ILK: variants seen among roughly 807,000 people sequenced by gnomAD.
The protein encoded by ILK is integrin linked kinase.
A neutral mutation model predicts 57.8 loss-of-function variants in ILK; 37 were observed. That is an observed-to-expected ratio of 0.64 (90% CI 0.49 to 0.84). The LOEUF (loss-of-function observed/expected upper bound fraction) is 0.84, where lower values mean the gene tolerates loss of function less well. Among genes scored for constraint, ILK ranks in the 40% least tolerant of loss-of-function variants. ILK has a pLI of 0.00. For synonymous variants in ILK, 231 were observed against 202.2 expected (o/e 1.14, Z -1.21); for missense variants, 528 against 595.7 (o/e 0.89, Z 1.18).
chr11:6,609,289 T>C lies in ILK; in HGVS notation c.619-10T>C. On this transcript the variant is annotated splice_polypyrimidine_tract_variant and intron_variant, in intron 7 of 12. Transcript: ENST00000299421. Reference sequence around the variant, plus strand: ...CATTTCAAGCCTCCTAACCCCTACCTGTCCTGCAGCTATGGAAGGGCCGCT... The same window carrying C: ...CATTTCAAGCCTCCTAACCCCTACCCGTCCTGCAGCTATGGAAGGGCCGCT... 1 of 1,613,600 alleles carries C rather than the reference T, an allele frequency of 6.2e-7. No homozygotes were observed. Among genetic ancestry groups the C allele is most frequent in the Non-Finnish European group, 8.5e-7 (1 of 1,179,552 alleles).
Position 6,609,593 on chromosome 11 carries a change from C to T in ILK, c.810C>T (p.His270=). 4 of 1,614,196 alleles carry T rather than the reference C, an allele frequency of 2.5e-6. No homozygotes were observed. The highest frequency in any genetic ancestry group is 1.7e-6 in the Non-Finnish European group (2 of 1,180,012). ...PPAPHPTLIT[H]WMPYGSLYNV... ...CTCCTCATCCTACTCTCATCACACACTGGATGCCGTATGGATCCCTCTACA... is the reference window on the plus strand; with the variant it reads ...CTCCTCATCCTACTCTCATCACACATTGGATGCCGTATGGATCCCTCTACA... Residue 270 remains histidine, a synonymous_variant, in exon 9 of 13, where the codon CAC becomes CAT. Coordinates refer to ENST00000299421, the MANE Select transcript of ILK (RefSeq NM_004517.4).
At position 6,610,233 on chromosome 11, in the gene ILK, G is replaced by A; in HGVS notation, c.1164G>A (p.Arg388=). The change falls in exon 12 of 13, where the codon CGG becomes CGA. Residue 388 remains arginine, a synonymous_variant. Transcript: ENST00000299421. ...TGCTTCTGTGGGAACTGGTGACACG[G>A]GAGGTACCCTTTGCTGACCTCTCCA... ...FAVLLWELVT[R]EVPFADLSNM... is the part of the protein sequence containing the mutation. 1 of 1,614,230 alleles carries A rather than the reference G, an allele frequency of 6.2e-7. No homozygotes were observed. Among genetic ancestry groups the A allele is most frequent in the South Asian group, 1.1e-5 (1 of 91,088 alleles).
rs766210285 is a variant in ILK at position 6,608,925 on chromosome 11, T to C, written c.490T>C (p.Tyr164His). 4 of 1,614,188 alleles carry C rather than the reference T, an allele frequency of 2.5e-6. No homozygotes were observed. Among genetic ancestry groups the C allele is most frequent in the South Asian group, 1.1e-5 (1 of 91,086 alleles). Residue 164 changes from tyrosine (Y) to histidine (H), a missense_variant, in exon 6 of 13, where the codon TAC becomes CAC. Transcript: ENST00000299421. This position sits in a 1 kb window ranked among gnomAD's most constrained non-coding sequence, Gnocchi z 4.9. ...KMGQNLNRIPYKDTFWKGTTR... is the reference protein window; with the variant it reads ...KMGQNLNRIPHKDTFWKGTTR... Reference sequence around the variant, plus strand: ...GGGCCAGAATCTCAACCGTATTCCATACAAGGACACATTCTGGAAGGGGAC... The same window carrying C: ...GGGCCAGAATCTCAACCGTATTCCACACAAGGACACATTCTGGAAGGGGAC...
At chr11:6,606,561 A>T (rs1475031235) in intron 2 of ILK, 1 of 142,370 alleles carries the variant, frequency 7.0e-6, no homozygotes. Context: ...GCATCTAGGA[A>T]GACTCTAGCT....
chr11:6,610,831 G>A lies in ILK; in HGVS notation c.*220G>A. 1.3e-6 allele frequency: 2 copies of A among 1,485,900 alleles called. No homozygotes were observed. The highest frequency in any genetic ancestry group is 1.7e-5 in the Admixed American group (1 of 58,426). The allele number at this position is 1,485,900 out of a possible 1,614,324, so 92.0% of individuals were successfully genotyped here. A position where few individuals can be genotyped will look rare whatever the true frequency, so the allele number is the denominator to read the frequency against. ...CACATGGTGTCTCCCAACATGGGAG[G>A]GATCAGCCCCGCCTGTCACAATAAA... On this transcript the variant is annotated 3_prime_UTR_variant, in exon 13 of 13. Coordinates refer to ENST00000299421, the MANE Select transcript of ILK (RefSeq NM_004517.4).
intron 2 of ILK, chr11:6,604,779 T>A: frequency 2.1e-6 from 1 of 467,084 alleles, no homozygotes; most frequent in Non-Finnish European, 4.3e-6. Flanking sequence ...ATATTTAGGC[T>A]ATAAGAAGGT....
At position 6,608,169 on chromosome 11, in the gene ILK, G is replaced by A; in HGVS notation, c.213G>A (p.Leu71=). 6.2e-7 allele frequency: 1 copy of A among 1,614,178 alleles called. No individual in the cohort carries two copies. The highest frequency in any genetic ancestry group is 8.5e-7 in the Non-Finnish European group (1 of 1,180,030). Residue 71 remains leucine, a synonymous_variant, in exon 3 of 13, where the codon CTG becomes CTA. Transcript: ENST00000299421. This position sits in a 1 kb window ranked among gnomAD's most constrained non-coding sequence, Gnocchi z 4.9. ...TGAACCGTGGGGATGACACCCCCCT[G>A]CATCTGGCAGCCAGTCATGGACACC... ...NVMNRGDDTP[L]HLAASHGHRD...
chr11:6,610,818 C>T lies in ILK; in HGVS notation c.*207C>T, dbSNP rs2739501. ...CTTTGTCACTTGCCACATGGTGTCT[C>T]CCAACATGGGAGGGATCAGCCCCGC... On this transcript the variant is annotated 3_prime_UTR_variant, in exon 13 of 13. Transcript: ENST00000299421. The T allele has an allele frequency of 6.9e-7, 1 of 1,439,558 alleles. No homozygotes were observed. The highest frequency in any genetic ancestry group is 9.7e-7 in the Non-Finnish European group (1 of 1,029,986). 89.2% of individuals were successfully genotyped at this position (1,439,558 alleles called of 1,614,324 possible). A position where few individuals can be genotyped will look rare whatever the true frequency, so the allele number is the denominator to read the frequency against.
At chr11:6,605,075 G>A (rs946360669) in intron 2 of ILK, 2 of 344,746 alleles carry the variant, frequency 5.8e-6, no homozygotes, top group African/African-American at 4.3e-5. Flanking sequence ...TGTTTTTACT[G>A]AGATGGAGAA....
Position 6,609,601 on chromosome 11 carries a change from C to T in ILK, c.818C>T (p.Pro273Leu), listed in dbSNP as rs774113906. 34 of 1,613,932 alleles carry T rather than the reference C, an allele frequency of 2.1e-5. No individual in the cohort carries two copies. Among genetic ancestry groups the T allele is most frequent in the Non-Finnish European group, 2.6e-5 (31 of 1,179,958 alleles). Reference protein sequence around the residue: ...PHPTLITHWMPYGSLYNVLHE... With the variant: ...PHPTLITHWMLYGSLYNVLHE... The stretch of plus-strand genomic sequence containing the variant: ...CCTACTCTCATCACACACTGGATGC[C>T]GTATGGATCCCTCTACAATGTACTA... The change falls in exon 9 of 13, where the codon CCG (proline) becomes CTG (leucine). Residue 273 changes from proline to leucine, a missense_variant. Coordinates refer to ENST00000299421, the MANE Select transcript of ILK (RefSeq NM_004517.4).
chr11:6,604,090 C>T, intron 1 of ILK, 90 bp from the exon 2 acceptor site: 1 of 654,620 alleles, frequency 1.5e-6, no homozygotes, highest in East Asian at 2.7e-5. Flanking sequence ...CAGGGATCAT[C>T]CCGCAGCCCC....
intron 2 of ILK, chr11:6,604,625 A>G: frequency 1.7e-6 from 1 of 572,638 alleles, no homozygotes. Flanking sequence ...GGCAAGGCAC[A>G]GAGCAGAGAG....
rs2134567466 is a variant in ILK, at chr11:6,609,710, T to G, written c.857-14T>G. 1 of 1,614,188 alleles carries G rather than the reference T, an allele frequency of 6.2e-7. No individual in the cohort carries two copies. The highest frequency in any genetic ancestry group is 1.3e-5 in the African/African-American group (1 of 75,028). ...GGAGCCTCTCTGAACTATTTGACTT[T>G]TGCCTCCTCTCAGATTTCGTCGTGG... is the stretch of plus-strand genomic sequence containing the variant. On this transcript the variant is annotated splice_polypyrimidine_tract_variant and intron_variant, in intron 9 of 12. Coordinates refer to ENST00000299421, the MANE Select transcript of ILK (RefSeq NM_004517.4).
intron 2 of ILK, chr11:6,607,827 T>A: frequency 1.7e-6 from 1 of 579,588 alleles, no homozygotes. Context: ...GATAACACAT[T>A]TTTTTATAGA....
chr11:6,608,088 G>A lies in ILK; in HGVS notation c.132G>A (p.Glu44=), dbSNP rs761517493. Residue 44 remains glutamate, a synonymous_variant, in exon 3 of 13, where the codon GAG becomes GAA. Transcript: ENST00000299421. This position sits in a 1 kb window ranked among gnomAD's most constrained non-coding sequence, Gnocchi z 4.9. The stretch of plus-strand genomic sequence containing the variant: ...CCCCCTTGCACTGGGCCTGCCGAGA[G>A]GGCCGCTCTGCTGTGGTTGAGATGT... ...GFSPLHWACR[E]GRSAVVEMLI... 3.1e-6 allele frequency: 5 copies of A among 1,614,206 alleles called. No homozygotes were observed. Among genetic ancestry groups the A allele is most frequent in the East Asian group, 2.2e-5 (1 of 44,890 alleles).
intron 2 of ILK, 42 bp downstream of exon 2, chr11:6,604,402 C>G (rs1355721383): frequency 1.3e-6 from 2 of 1,529,054 alleles, no homozygotes; most frequent in East Asian, 2.4e-5. Context: ...GGCTAGAGAT[C>G]TCCTGGCTAC....
rs1347766100 is a variant in ILK, at chr11:6,608,111, T to C, written c.155T>C (p.Met52Thr). 1 of 1,614,118 alleles carries C rather than the reference T, an allele frequency of 6.2e-7. No individual in the cohort carries two copies. Among genetic ancestry groups the C allele is most frequent in the Non-Finnish European group, 8.5e-7 (1 of 1,180,004 alleles). Reference protein sequence around the residue: ...CREGRSAVVEMLIMRGARINV... With the variant: ...CREGRSAVVETLIMRGARINV... ...GAGGGCCGCTCTGCTGTGGTTGAGA[T>C]GTTGATCATGCGGGGGGCACGGATC... The change falls in exon 3 of 13, where the codon ATG becomes ACG. Residue 52 changes from methionine to threonine, a missense_variant. Transcript: ENST00000299421. The surrounding 1 kb of genome is among the most constrained non-coding windows in gnomAD (Gnocchi z 4.9).
chr11:6,610,445 T>A lies in ILK; in HGVS notation c.1210-17T>A, dbSNP rs758622734. ...CAGACTCAAATTGTGAGGCTGCTTT[T>A]TTTCTTGTATTCGCAGGTGGCATTG... is the stretch of plus-strand genomic sequence containing the variant. On this transcript the variant is annotated splice_polypyrimidine_tract_variant and intron_variant, in intron 12 of 12. Coordinates refer to ENST00000299421, the MANE Select transcript of ILK (RefSeq NM_004517.4). The A allele has an allele frequency of 1.1e-5, 18 of 1,614,080 alleles. No homozygotes were observed. In the African/African-American group the frequency reaches 2.1e-4, roughly 19 times the overall value.
At chr11:6,605,827 G>A (rs1177868024) in intron 2 of ILK, among the ~76,000 whole-genome samples, 1 of 152,204 alleles carries the variant, frequency 6.6e-6, no homozygotes, top group Non-Finnish European at 1.5e-5. Context: ...TGTGCTGGGT[G>A]CTAGAGTCCA....
Sources: gnomAD v4.1 joint callset for allele counts (sites outside exome capture counted in the v4.1 genomes callset) on GRCh38, gnomAD v4.1.1 for gene constraint, Gnocchi (gnomAD v3.1) non-coding constraint, MANE v1.5 for transcripts, NCBI Gene and HGNC (gene_info 2026-07-23, HGNC 2026-07-21) for gene names.